The following XDH variants were observed in gnomAD, a reference collection of about 807,000 sequenced individuals.
XDH encodes xanthine dehydrogenase/oxidase.
A neutral mutation model predicts 156.1 loss-of-function variants in XDH; 138 were observed. The ratio of observed to expected loss-of-function variants is 0.88; its 90% confidence interval spans 0.77 to 1.02. The LOEUF (loss-of-function observed/expected upper bound fraction) is 1.02, where lower values mean the gene tolerates loss of function less well. Among genes scored for constraint, XDH ranks in the 50% least tolerant of loss-of-function variants. The pLI is 0.00. For synonymous variants in XDH, 669 were observed against 625.7 expected (o/e 1.07, Z -1.03); for missense variants, 1,849 against 1,684.9 (o/e 1.10, Z -1.71).
chr2:31,411,478 T>C (rs1208352171), intron 1 of XDH, among the ~76,000 whole-genome samples: 2 of 151,958 alleles, frequency 1.3e-5, no homozygotes, highest in Non-Finnish European at 2.9e-5. Context: ...GTGTCCAGAG[T>C]GAGAAAGAGA....
intron 7 of XDH, 98 bp downstream of exon 7, chr2:31,388,129 T>C: frequency 7.1e-7 from 1 of 1,413,524 alleles, no homozygotes; most frequent in Non-Finnish European, 1.0e-6. Context: ...CGTAGGTTCC[T>C]CTTCCAGCCC....
rs371938481 is a variant in XDH, at chr2:31,344,881, T to C, written c.3352-145A>G. The C allele has an allele frequency of 8.8e-6, 7 of 792,498 alleles. No homozygotes were observed. The South Asian group carries it at 8.9e-5, about 10-fold the overall frequency. 49.1% of individuals were successfully genotyped at this position (792,498 alleles called of 1,614,324 possible). A position where few individuals can be genotyped will look rare whatever the true frequency, so the allele number is the denominator to read the frequency against. ...TCCCATTTCCATACCTTACCTTACA[T>C]TGTCACTGGCACCACCTGCACCAGG... On this transcript the variant is annotated intron_variant, in intron 30 of 35. Coordinates refer to ENST00000379416, the MANE Select transcript of XDH (RefSeq NM_000379.4).
chr2:31,399,654 T>C (rs1366633836), intron 4 of XDH, among the ~76,000 whole-genome samples: 1 of 152,198 alleles, frequency 6.6e-6, no homozygotes, highest in African/African-American at 2.4e-5. Context: ...AGAGGGACCC[T>C]GTGGGAGATA....
chr2:31,398,461 A>G, intron 5 of XDH, 112 bp downstream of exon 5: 2 of 1,579,792 alleles, frequency 1.3e-6, no homozygotes, highest in Non-Finnish European at 1.7e-6. Flanking sequence ...GGGGGGCCTG[A>G]GCCCTTCCTC....
chr2:31,360,746 G>T (rs1001094802), intron 24 of XDH, among the ~76,000 whole-genome samples: 1 of 152,146 alleles, frequency 6.6e-6, no homozygotes, highest in African/African-American at 2.4e-5. Context: ...ATCTCCTCCT[G>T]CAGATAAGGG....
Position 31,377,055 on chromosome 2 carries a change from G to T in XDH, c.1425C>A (p.Ser475=), listed in dbSNP as rs780162015. Residue 475 remains serine (S), a splice_region_variant and synonymous_variant, in exon 14 of 36, where the codon TCC becomes TCA. Transcript: ENST00000379416. ...SALKTTQRQL[S]KLWKEELLQD... is the part of the protein sequence containing the mutation. ...TTCATTGTGCTGTTAGCTCTTACTTGGAAAGCTGCCTCTGAGTGGTCTTGA... is the reference window on the plus strand; with the variant it reads ...TTCATTGTGCTGTTAGCTCTTACTTTGAAAGCTGCCTCTGAGTGGTCTTGA... 6.8e-6 allele frequency: 11 copies of T among 1,613,980 alleles called. No individual in the cohort carries two copies. In the Admixed American group the frequency reaches 1.5e-4, roughly 22 times the overall value.
At chr2:31,353,752 T>C (rs371493218) in intron 24 of XDH, among the ~76,000 whole-genome samples, 11 of 152,200 alleles carry the variant, frequency 7.2e-5, no homozygotes, top group Admixed American at 7.2e-4. Flanking sequence ...CAGCCAAACA[T>C]CACAGAAAAA....
intron 27 of XDH, among the ~76,000 whole-genome samples, 189 bp from the exon 28 acceptor site, chr2:31,348,552 T>G (rs1685365977): frequency 6.6e-6 from 1 of 152,232 alleles, no homozygotes; most frequent in African/African-American, 2.4e-5. Context: ...GCAGAAGGTT[T>G]TCATATGTTT....
At chr2:31,380,124 T>A (rs1418802777) in intron 12 of XDH, 148 bp from the exon 13 acceptor site, 7 of 775,172 alleles carry the variant, frequency 9.0e-6, no homozygotes, top group East Asian at 2.7e-5. Context: ...TGGGGCCAAA[T>A]CCTCTCTCTG....
chr2:31,345,939 C>T (rs1236097215), intron 30 of XDH, among the ~76,000 whole-genome samples: 2 of 152,170 alleles, frequency 1.3e-5, no homozygotes, highest in Non-Finnish European at 2.9e-5. Flanking sequence ...AATCAGGCTA[C>T]TTTCATGTGC....
intron 31 of XDH, 57 bp downstream of exon 31, chr2:31,344,627 C>T (rs1685230016): frequency 3.1e-6 from 5 of 1,596,100 alleles, no homozygotes; most frequent in East Asian, 2.2e-5. Flanking sequence ...TGGAGTGGAC[C>T]AGTGAGGTTA....
intron 6 of XDH, among the ~76,000 whole-genome samples, chr2:31,389,996 T>G (rs1428923363): frequency 6.6e-6 from 1 of 152,200 alleles, no homozygotes; most frequent in Non-Finnish European, 1.5e-5. Flanking sequence ...TTACAACTGA[T>G]GGACCCACAT....
intron 13 of XDH, among the ~76,000 whole-genome samples, chr2:31,378,129 AGGAAGG>A (rs1558696734): frequency 5.7e-5 from 4 of 70,140 alleles, no homozygotes; most frequent in African/African-American, 2.0e-4. Flanking sequence ...GAAGGAAGGA[AGGAAGG>A]AAGGAAGGAA....
chr2:31,403,235 A>G, intron 2 of XDH, 91 bp from the exon 3 acceptor site: 1 of 1,394,606 alleles, frequency 7.2e-7, no homozygotes, highest in Non-Finnish European at 9.9e-7. Flanking sequence ...GGGCAGAGCC[A>G]TTCATTCCCA....
At chr2:31,387,126 C>T (rs1054907829) in intron 8 of XDH, among the ~76,000 whole-genome samples, 1 of 152,168 alleles carries the variant, frequency 6.6e-6, no homozygotes, top group Non-Finnish European at 1.5e-5. Flanking sequence ...GCCCTCAAAT[C>T]GAACTGCCAG....
Position 31,401,797 on chromosome 2 carries a change from C to A in XDH, c.198-469G>T, listed in dbSNP as rs138902256. Among the ~76,000 whole-genome samples the A allele has an allele frequency of 8.0e-3, 1,220 of 152,318 alleles. 15 individuals are homozygous for A. Among genetic ancestry groups the A allele is most frequent in the Non-Finnish European group, 0.013 (874 of 68,022 alleles). ...CTCTGTGGGGAAAGGGGGAGGAAAC[C>A]CCCAGGCAACATGAGACAGCAAGCC... is the stretch of plus-strand genomic sequence containing the variant. On this transcript the variant is annotated intron_variant, in intron 3 of 35. Coordinates refer to ENST00000379416, the MANE Select transcript of XDH (RefSeq NM_000379.4).
At chr2:31,374,393 G>C (rs1451394538) in intron 15 of XDH, among the ~76,000 whole-genome samples, 1 of 152,152 alleles carries the variant, frequency 6.6e-6, no homozygotes, top group African/African-American at 2.4e-5. Context: ...GTGGTCCCAA[G>C]TCTATTTAGA....
intron 14 of XDH, 89 bp from the exon 15 acceptor site, chr2:31,375,643 T>C: frequency 6.8e-7 from 1 of 1,478,342 alleles, no homozygotes; most frequent in Non-Finnish European, 9.1e-7. Context: ...CTCGGAGCTG[T>C]ACAAAGCTTG....
chr2:31,345,048 G>A (rs1487618341), intron 30 of XDH, among the ~76,000 whole-genome samples: 4 of 151,994 alleles, frequency 2.6e-5, no homozygotes, highest in Admixed American at 1.3e-4. Context: ...AGCTTTCCAC[G>A]GCTCCTTATT....
Sources: gnomAD v4.1 joint callset for allele counts (sites outside exome capture counted in the v4.1 genomes callset) on GRCh38, gnomAD v4.1.1 for gene constraint, MANE v1.5 for transcripts, NCBI Gene and HGNC (gene_info 2026-07-23, HGNC 2026-07-21) for gene names.